Variants in MYO3A observed in about 807,000 individuals in gnomAD.
The protein encoded by MYO3A is myosin IIIA.
Under a neutral mutation model 192.7 loss-of-function variants are expected in MYO3A, and 180 were observed. That is an observed-to-expected ratio of 0.93 (90% CI 0.83 to 1.06). The LOEUF (loss-of-function observed/expected upper bound fraction) is 1.06. Ranked by LOEUF, MYO3A falls within the 50% of genes least tolerant of loss-of-function variation. MYO3A has a pLI of 0.00. For missense variants in MYO3A, 1,896 were observed against 1,905.0 expected, an observed-to-expected ratio of 1.00 and a Z score of 0.09; for synonymous variants, 628 against 645.3, an observed-to-expected ratio of 0.97 and a Z score of 0.41.
intron 4 of MYO3A, among the ~76,000 whole-genome samples, chr10:25,986,559 A>G (rs762354098): frequency 6.6e-6 from 1 of 152,236 alleles, no homozygotes; most frequent in Non-Finnish European, 1.5e-5. Context: ...CTATATGCCA[A>G]CAGCAGCTAA....
At chr10:26,021,476 C>T (rs1425363107) in intron 7 of MYO3A, 27 bp from the exon 8 acceptor site, 4 of 1,611,840 alleles carry the variant, frequency 2.5e-6, no homozygotes, top group African/African-American at 2.7e-5. Context: ...ACAAATTTCA[C>T]CTTTTGATGG....
chr10:26,168,933 C>T (rs1172187434), intron 28 of MYO3A, 59 bp downstream of exon 28: 2 of 1,499,388 alleles, frequency 1.3e-6, no homozygotes, highest in South Asian at 1.1e-5. Flanking sequence ...ATACTTCTTA[C>T]AGGCAAACCT....
chr10:26,166,137 G>A lies in MYO3A; in HGVS notation c.3070G>A (p.Glu1024Lys). ...CCCTGACACCTGTGCCACCATTTTG[G>A]AAAAAGCTGGTCTCGATAACTGGGC... is the stretch of plus-strand genomic sequence containing the variant. ...MSPDTCATIL[E>K]KAGLDNWALG... is the part of the protein sequence containing the mutation. Residue 1024 changes from glutamate to lysine, a missense_variant, in exon 27 of 35, where the codon GAA becomes AAA. Transcript: ENST00000642920. The A allele has an allele frequency of 6.2e-7, 1 of 1,614,010 alleles. No individual in the cohort carries two copies. The highest frequency in any genetic ancestry group is 1.1e-5 in the South Asian group (1 of 91,062).
chr10:25,977,006 A>G (rs1338126690), intron 4 of MYO3A, among the ~76,000 whole-genome samples: 9 of 152,110 alleles, frequency 5.9e-5, no homozygotes, highest in Non-Finnish European at 1.3e-4. Context: ...TTCAGTTTGA[A>G]TATTATCTTG....
At chr10:26,115,890 A>G (rs1292863528) in intron 17 of MYO3A, among the ~76,000 whole-genome samples, 1 of 152,204 alleles carries the variant, frequency 6.6e-6, no homozygotes. Context: ...GCAGTTTGCA[A>G]TCAAAATATG....
rs1022427125 is a variant in MYO3A at position 25,937,367 on chromosome 10, T to G, written c.-18+1537T>G. On this transcript the variant is annotated intron_variant, in intron 2 of 34. Transcript: ENST00000642920. ...TTTGTGATTTCAGACTCTGGAAATA[T>G]CCCTTACTAACTTGAACGGTTAATT... is the stretch of plus-strand genomic sequence containing the variant. 4.6e-5 allele frequency among the ~76,000 whole-genome samples: 7 copies of G among 152,204 alleles called. No individual in the cohort carries two copies. The East Asian group carries it at 1.3e-3, about 29-fold the overall frequency.
intron 30 of MYO3A, 117 bp from the exon 31 acceptor site, chr10:26,176,584 G>A: frequency 1.1e-6 from 1 of 902,824 alleles, no homozygotes; most frequent in South Asian, 1.4e-5. Context: ...GGTGGGCCCT[G>A]GAGAGGAACA....
chr10:26,129,123 A>G (rs1839392001), intron 20 of MYO3A, among the ~76,000 whole-genome samples: 2 of 152,226 alleles, frequency 1.3e-5, no homozygotes, highest in Admixed American at 6.5e-5. Context: ...TATTAAATCT[A>G]AAGGAGTCAT....
At chr10:26,118,631 CTT>C (rs879920488) in intron 17 of MYO3A, among the ~76,000 whole-genome samples, 6 of 141,622 alleles carry the variant, frequency 4.2e-5, no homozygotes, top group Non-Finnish European at 6.2e-5. Flanking sequence ...TAAATCAAAG[CTT>C]TTTTTTTTTT....
chr10:26,157,558 A>G, intron 26 of MYO3A, 43 bp downstream of exon 26: 1 of 1,578,346 alleles, frequency 6.3e-7, no homozygotes. Context: ...CAGTTTATAT[A>G]AAAATCATTC....
At chr10:25,950,995 T>C (rs1328517095) in intron 2 of MYO3A, among the ~76,000 whole-genome samples, 1 of 152,184 alleles carries the variant, frequency 6.6e-6, no homozygotes, top group Non-Finnish European at 1.5e-5. Flanking sequence ...AGGGAGAATA[T>C]AGAAAAGAGC....
rs367665130 is a variant in MYO3A at position 26,166,051 on chromosome 10, T to A, written c.3000-16T>A. 16 of 1,605,886 alleles carry A rather than the reference T, an allele frequency of 1.0e-5. No homozygotes were observed. The highest frequency in any genetic ancestry group is 3.3e-4 in the Middle Eastern group (2 of 6,042). The stretch of plus-strand genomic sequence containing the variant: ...CACTTTATGCAATACTAACCAGCCC[T>A]TTTTTCCATTCCAAGGTACTACCTT... On this transcript the variant is annotated splice_polypyrimidine_tract_variant and intron_variant, in intron 26 of 34. Coordinates refer to ENST00000642920, the MANE Select transcript of MYO3A (RefSeq NM_017433.5).
At chr10:26,085,967 T>G (rs1352590407) in intron 14 of MYO3A, among the ~76,000 whole-genome samples, 3 of 152,160 alleles carry the variant, frequency 2.0e-5, no homozygotes, top group Admixed American at 6.5e-5. Flanking sequence ...TCTGGCTGCT[T>G]TTTTGCTGTT....
chr10:26,060,612 G>A (rs1290579435), intron 10 of MYO3A, among the ~76,000 whole-genome samples: 3 of 152,174 alleles, frequency 2.0e-5, no homozygotes, highest in Admixed American at 2.0e-4. Flanking sequence ...CACTTGGCAT[G>A]TAGCTAAATC....
intron 14 of MYO3A, among the ~76,000 whole-genome samples, chr10:26,080,091 T>C (rs1448905207): frequency 1.3e-5 from 2 of 152,188 alleles, no homozygotes; most frequent in African/African-American, 4.8e-5. Flanking sequence ...ACAGGGAAAT[T>C]TTCCTTGATT....
rs971300796 is a variant in MYO3A, at chr10:26,188,964, A to T, written c.4439-4241A>T. 3.9e-5 allele frequency among the ~76,000 whole-genome samples: 6 copies of T among 152,264 alleles called. No individual in the cohort carries two copies. In the South Asian group the frequency reaches 1.2e-3, roughly 32 times the overall value. On this transcript the variant is annotated intron_variant, in intron 31 of 34. Transcript: ENST00000642920. ...TCTTTTGGCTTAGGATTGACTTGGC[A>T]ATGTGGGCTCTTTTTTGGTTCCATA...
Position 26,135,840 on chromosome 10 carries a change from T to C in MYO3A, c.2262+7302T>C, listed in dbSNP as rs532573410. On this transcript the variant is annotated intron_variant, in intron 20 of 34. Transcript: ENST00000642920. ...AATTAGCCGGGCATGGTGGTGGGTG[T>C]CTAGAATCCCAGCTACTCGGGAGGC... is the stretch of plus-strand genomic sequence containing the variant. Among the ~76,000 whole-genome samples the C allele has an allele frequency of 3.3e-5, 5 of 151,380 alleles. No individual in the cohort carries two copies. In the South Asian group the frequency reaches 1.0e-3, roughly 32 times the overall value.
rs561609092 is a variant in MYO3A at position 26,141,075 on chromosome 10, C to G, written c.2263-2373C>G. Among the ~76,000 whole-genome samples, 20 of 152,144 alleles carry G rather than the reference C, an allele frequency of 1.3e-4. No individual in the cohort carries two copies. The East Asian group carries it at 3.7e-3, about 28-fold the overall frequency. On this transcript the variant is annotated intron_variant, in intron 20 of 34. Transcript: ENST00000642920. ...CCTGAGTAGCTGGGGCTCCAGGCAC[C>G]CACCACCACACCCGGCTAATTTTAT...
At chr10:26,094,273 C>T (rs1378840656) in intron 15 of MYO3A, among the ~76,000 whole-genome samples, 1 of 152,048 alleles carries the variant, frequency 6.6e-6, no homozygotes, top group Admixed American at 6.6e-5. Flanking sequence ...TTTGGCAGAA[C>T]CTTGGATCAA....
Sources: allele counts gnomAD v4.1 joint callset (sites outside exome capture counted in the v4.1 genomes callset), GRCh38; gene constraint gnomAD v4.1.1; transcripts MANE v1.5; gene names NCBI Gene and HGNC (gene_info 2026-07-23, HGNC 2026-07-21).